STXBP5L: variants seen among roughly 807,000 people sequenced by gnomAD.
The protein encoded by STXBP5L is syntaxin-binding protein 5-like.
A neutral mutation model predicts 144.5 loss-of-function variants in STXBP5L; 65 were observed. The observed-to-expected ratio is 0.45, with a 90% CI of 0.37 to 0.55. STXBP5L has a LOEUF of 0.55. STXBP5L is among the 20% of genes least tolerant of loss of function. The probability of loss-of-function intolerance (pLI) is 0.00; values close to 1 mark genes in which losing one functional copy is unlikely to be tolerated. For missense variants in STXBP5L, 1,298 were observed against 1,405.5 expected (o/e 0.92, Z 1.22); for synonymous variants, 505 against 469.6 (o/e 1.08, Z -0.97).
intron 20 of STXBP5L, among the ~76,000 whole-genome samples, chr3:121,359,537 C>A (rs991908879): frequency 6.6e-6 from 1 of 151,972 alleles, no homozygotes; most frequent in African/African-American, 2.4e-5. Flanking sequence ...AGACCAATGT[C>A]CTAGAGATAT....
At chr3:121,387,809 T>G (rs1424265851) in intron 22 of STXBP5L, among the ~76,000 whole-genome samples, 5 of 151,828 alleles carry the variant, frequency 3.3e-5, no homozygotes, top group Non-Finnish European at 5.9e-5. Flanking sequence ...TACTGTAGCC[T>G]TAATATAGTT....
At chr3:121,291,098 G>A (rs903289158) in intron 19 of STXBP5L, among the ~76,000 whole-genome samples, 1 of 152,058 alleles carries the variant, frequency 6.6e-6, no homozygotes, top group Admixed American at 6.6e-5. Flanking sequence ...TCAGTAAAGA[G>A]GAAATCCAAC....
intron 25 of STXBP5L, 60 bp downstream of exon 25, chr3:121,416,028 GTATT>G: frequency 7.7e-7 from 1 of 1,295,964 alleles, no homozygotes; most frequent in Non-Finnish European, 1.1e-6. Flanking sequence ...CTGTGTATGT[GTATT>G]TGTGTGTGTA....
chr3:121,402,179 A>G (rs913696810), intron 22 of STXBP5L, among the ~76,000 whole-genome samples: 1 of 152,198 alleles, frequency 6.6e-6, no homozygotes, highest in Admixed American at 6.6e-5. Context: ...AAGTTAATAA[A>G]TGTTTATTGA....
intron 5 of STXBP5L, among the ~76,000 whole-genome samples, chr3:121,073,166 C>T (rs1295212510): frequency 6.6e-6 from 1 of 152,180 alleles, no homozygotes; most frequent in African/African-American, 2.4e-5. Context: ...CTTGATAAAA[C>T]CTCATCCACT....
At position 120,974,393 on chromosome 3, in the gene STXBP5L, G is replaced by GT. The variant is rs550501862; in HGVS notation, c.287+19363dup. On this transcript the variant is annotated intron_variant, in intron 3 of 26. Coordinates refer to ENST00000471454, the MANE Select transcript of STXBP5L (RefSeq NM_001308330.2). The stretch of plus-strand genomic sequence containing the variant: ...CGCCCACTTTTTGATGGGGTTGTTT[G>GT]TTTTTTTCTTGTAAATTTGTTTGAG... Among the ~76,000 whole-genome samples, 12 of 151,240 alleles carry GT rather than the reference G, an allele frequency of 7.9e-5. No homozygotes were observed. The South Asian group carries it at 1.9e-3, about 24-fold the overall frequency.
At chr3:121,090,949 C>A (rs1038627546) in intron 5 of STXBP5L, among the ~76,000 whole-genome samples, 4 of 121,316 alleles carry the variant, frequency 3.3e-5, no homozygotes, top group African/African-American at 1.2e-4. Context: ...CCACAACAGT[C>A]CCCAGAATGT....
At chr3:121,051,533 AC>A (rs1947994683) in intron 5 of STXBP5L, among the ~76,000 whole-genome samples, 1 of 152,228 alleles carries the variant, frequency 6.6e-6, no homozygotes, top group Admixed American at 6.5e-5. Context: ...GTTCTTTGAA[AC>A]CAACGAAAAC....
At chr3:121,121,773 T>C in intron 7 of STXBP5L, 69 bp downstream of exon 7, 1 of 1,161,106 alleles carries the variant, frequency 8.6e-7, no homozygotes, top group South Asian at 1.3e-5. Context: ...TTTCTTACTA[T>C]TATTTTATAT....
chr3:121,123,108 A>C (rs2044544179), intron 7 of STXBP5L, among the ~76,000 whole-genome samples: 1 of 151,540 alleles, frequency 6.6e-6, no homozygotes. Flanking sequence ...TGAGGAGGAA[A>C]CAGTCTCACT....
At chr3:121,208,834 G>C (rs972738675) in intron 10 of STXBP5L, among the ~76,000 whole-genome samples, 19 of 151,884 alleles carry the variant, frequency 1.3e-4, no homozygotes, top group Non-Finnish European at 2.8e-4. Context: ...TTGTTACATA[G>C]TTATACACGT....
intron 5 of STXBP5L, among the ~76,000 whole-genome samples, chr3:121,090,946 A>G (rs1360096415): frequency 3.8e-5 from 4 of 105,414 alleles, no homozygotes; most frequent in Non-Finnish European, 7.2e-5. Context: ...ACCCCACAAC[A>G]GTCCCCAGAA....
chr3:120,990,501 T>A (rs1942736368), intron 3 of STXBP5L, among the ~76,000 whole-genome samples: 1 of 152,028 alleles, frequency 6.6e-6, no homozygotes, highest in East Asian at 1.9e-4. Context: ...CATCGCCAAG[T>A]CAATCCTAAG....
intron 5 of STXBP5L, among the ~76,000 whole-genome samples, chr3:121,089,557 C>T (rs1382990239): frequency 6.6e-6 from 1 of 151,230 alleles, no homozygotes; most frequent in Non-Finnish European, 1.5e-5. Context: ...TTGTTTTTAT[C>T]TCAGATAATT....
chr3:120,988,935 A>C (rs1451374363), intron 3 of STXBP5L, among the ~76,000 whole-genome samples: 1 of 152,034 alleles, frequency 6.6e-6, no homozygotes, highest in African/African-American at 2.4e-5. Flanking sequence ...TATTTCTGAG[A>C]TATTTCACTT....
intron 5 of STXBP5L, 146 bp downstream of exon 5, chr3:121,045,681 T>C (rs1293051997): frequency 1.3e-6 from 1 of 745,652 alleles, no homozygotes; most frequent in Non-Finnish European, 2.1e-6. Flanking sequence ...TAGTGTTTTC[T>C]TTTTTGTAGA....
intron 7 of STXBP5L, among the ~76,000 whole-genome samples, chr3:121,127,088 C>A (rs1326192457): frequency 1.3e-5 from 2 of 148,524 alleles, no homozygotes; most frequent in Non-Finnish European, 2.9e-5. Context: ...CCTACATCAT[C>A]TCAGAACAAT....
intron 9 of STXBP5L, among the ~76,000 whole-genome samples, chr3:121,183,673 G>T (rs965800883): frequency 1.3e-5 from 2 of 151,680 alleles, no homozygotes; most frequent in African/African-American, 4.8e-5. Context: ...AGGAAGGGAG[G>T]GAGGGAGGAA....
chr3:121,354,464 T>C (rs1307385393), intron 20 of STXBP5L, among the ~76,000 whole-genome samples: 2 of 151,848 alleles, frequency 1.3e-5, no homozygotes, highest in Non-Finnish European at 2.9e-5. Context: ...TTGATCTTTG[T>C]TGGTTTAAAG....
Sources: gnomAD v4.1 joint callset for allele counts (sites outside exome capture counted in the v4.1 genomes callset) on GRCh38, gnomAD v4.1.1 for gene constraint, MANE v1.5 for transcripts, NCBI Gene and HGNC (gene_info 2026-07-23, HGNC 2026-07-21) for gene names.